The following PTGR2 variants were observed in gnomAD, a reference collection of about 807,000 sequenced individuals.
The protein encoded by PTGR2 is prostaglandin reductase 2, also known as 15-oxoprostaglandin 13-reductase.
A neutral mutation model predicts 43.4 loss-of-function variants in PTGR2; 32 were observed. That is an observed-to-expected ratio of 0.74 (90% confidence interval 0.56 to 0.99). PTGR2 has a LOEUF of 0.99. PTGR2 is among the 50% of genes least tolerant of loss of function. The pLI is 0.00. For synonymous variants in PTGR2, 106 were observed against 139.2 expected (o/e 0.76, Z 1.68); for missense variants, 373 against 420.0 (o/e 0.89, Z 0.98).
intron 3 of PTGR2, among the ~76,000 whole-genome samples, chr14:73,871,341 C>CTTTTTTTTTTTTTTTTTTTTTTTTTTTTT (rs869073652): frequency 1.7e-3 from 114 of 67,848 alleles, no homozygotes; most frequent in East Asian, 2.1e-3. Flanking sequence ...GGCTGTTCAT[C>CTTTTTTTTTTTTTTTTTTTTTTTTTTTTT]TTTTTTTTTT....
At chr14:73,852,584 C>T (rs1469791485) in intron 1 of PTGR2, among the ~76,000 whole-genome samples, 2 of 152,110 alleles carry the variant, frequency 1.3e-5, no homozygotes, top group African/African-American at 2.4e-5. Flanking sequence ...CAGACGAGTC[C>T]TTATCCTCTT....
At chr14:73,877,216 T>A in intron 5 of PTGR2, 48 bp downstream of exon 5, 1 of 1,490,494 alleles carries the variant, frequency 6.7e-7, no homozygotes, top group Non-Finnish European at 9.2e-7. Flanking sequence ...TGACGATTGT[T>A]ATAATTCTTA....
chr14:73,876,951 A>C (rs759552912), intron 4 of PTGR2, 47 bp from the exon 5 acceptor site: 37 of 1,470,268 alleles, frequency 2.5e-5, no homozygotes, highest in Non-Finnish European at 3.3e-5. Context: ...TTGTTGTCTC[A>C]AAACAGGAAT....
intron 3 of PTGR2, among the ~76,000 whole-genome samples, chr14:73,871,029 CT>C: frequency 6.6e-6 from 1 of 152,252 alleles, no homozygotes; most frequent in Admixed American, 6.5e-5. Flanking sequence ...CCTGGATAGC[CT>C]CAGGATGGGG....
chr14:73,866,836 C>A (rs1256213602), intron 3 of PTGR2, among the ~76,000 whole-genome samples: 1 of 151,958 alleles, frequency 6.6e-6, no homozygotes, highest in Non-Finnish European at 1.5e-5. Flanking sequence ...CACCTGTAAT[C>A]CCAGCACTTT....
At chr14:73,854,628 G>A (rs1408473454) in intron 1 of PTGR2, among the ~76,000 whole-genome samples, 1 of 152,090 alleles carries the variant, frequency 6.6e-6, no homozygotes, top group African/African-American at 2.4e-5. Flanking sequence ...AGTAATTAGA[G>A]GGCAAATATG....
At chr14:73,852,920 G>A (rs915973235) in intron 1 of PTGR2, among the ~76,000 whole-genome samples, 19 of 152,106 alleles carry the variant, frequency 1.2e-4, no homozygotes, top group Non-Finnish European at 2.2e-4. Context: ...CAGTCTCCTG[G>A]GTTCAGGCAG....
chr14:73,883,294 C>T (rs2055044985), intron 9 of PTGR2, among the ~76,000 whole-genome samples: 1 of 145,442 alleles, frequency 6.9e-6, no homozygotes. Context: ...ACTTATGAAC[C>T]CATGGGCTCA....
chr14:73,880,600 AC>A (rs2054962717), intron 7 of PTGR2, among the ~76,000 whole-genome samples: 1 of 88,580 alleles, frequency 1.1e-5, no homozygotes, highest in Non-Finnish European at 2.9e-5. Flanking sequence ...AAAAAAAAAA[AC>A]AAAAAAAAAC....
chr14:73,883,236 C>G (rs1233225781), intron 9 of PTGR2, among the ~76,000 whole-genome samples: 1 of 104,250 alleles, frequency 9.6e-6, no homozygotes, highest in African/African-American at 3.7e-5. Flanking sequence ...GATGATCTTG[C>G]TCTGTTGCCC....
intron 3 of PTGR2, among the ~76,000 whole-genome samples, chr14:73,872,071 C>A (rs1022681316): frequency 2.6e-5 from 4 of 152,118 alleles, no homozygotes; most frequent in Admixed American, 2.6e-4. Context: ...TTTCCTGGTC[C>A]GTGCTGTCGT....
chr14:73,856,667 G>A (rs920029063), intron 1 of PTGR2, among the ~76,000 whole-genome samples: 3 of 152,186 alleles, frequency 2.0e-5, no homozygotes, highest in Non-Finnish European at 4.4e-5. Flanking sequence ...ATGCCATATA[G>A]GTTTGTACCG....
chr14:73,865,445 T>A (rs1297250158), intron 3 of PTGR2, among the ~76,000 whole-genome samples: 2 of 152,196 alleles, frequency 1.3e-5, no homozygotes, highest in African/African-American at 4.8e-5. Context: ...TGAGGGCAGA[T>A]CTTCACCACA....
rs1449176003 is a variant in PTGR2 at position 73,885,489 on chromosome 14, A to G, written c.*1312A>G. 6.6e-6 allele frequency: 1 copy of G among 152,234 alleles called. No homozygotes were observed. The highest frequency in any genetic ancestry group is 2.4e-5 in the African/African-American group (1 of 41,466). The allele number at this position is 152,234 out of a possible 1,614,324, so 9.4% of individuals were successfully genotyped here. A position where few individuals can be genotyped will look rare whatever the true frequency, so the allele number is the denominator to read the frequency against. On this transcript the variant is annotated 3_prime_UTR_variant, in exon 10 of 10. Coordinates refer to ENST00000555661, the MANE Select transcript of PTGR2 (RefSeq NM_001146154.2). ...AATGTTTTGGCTTATGATTGTCTACACACTGCCAATATACTTTTGTATGCA... is the reference window on the plus strand; with the variant it reads ...AATGTTTTGGCTTATGATTGTCTACGCACTGCCAATATACTTTTGTATGCA...
Position 73,884,153 on chromosome 14 carries a change from C to G in PTGR2, c.1032C>G (p.Cys344Trp). ...GTAACATTGGAAAGCAGATAGTTTG[C>G]ATTTCAGAAGAAATCTCTTTGTAAT... ...TGGNIGKQIV[C>W]ISEEISL The change falls in exon 10 of 10, where the codon TGC (cysteine) becomes TGG (tryptophan). Residue 344 changes from cysteine (C) to tryptophan (W), a missense_variant. Coordinates refer to ENST00000555661, the MANE Select transcript of PTGR2 (RefSeq NM_001146154.2). 6.2e-7 allele frequency: 1 copy of G among 1,604,542 alleles called. No homozygotes were observed. Among genetic ancestry groups the G allele is most frequent in the Non-Finnish European group, 8.5e-7 (1 of 1,174,348 alleles).
intron 1 of PTGR2, among the ~76,000 whole-genome samples, chr14:73,857,237 C>CT (rs2054368036): frequency 2.7e-5 from 3 of 109,518 alleles, no homozygotes; most frequent in Admixed American, 1.8e-4. Context: ...AAGGAATTTC[C>CT]GTTTTTTTTT....
At chr14:73,875,305 T>C (rs906369401) in intron 4 of PTGR2, among the ~76,000 whole-genome samples, 1 of 151,440 alleles carries the variant, frequency 6.6e-6, no homozygotes, top group Non-Finnish European at 1.5e-5. Flanking sequence ...GCCTTAATGG[T>C]ACATTTTAAG....
intron 9 of PTGR2, among the ~76,000 whole-genome samples, chr14:73,882,828 TTTTTTTTTTTG>T (rs2055025284): frequency 1.5e-4 from 10 of 64,538 alleles, no homozygotes; most frequent in East Asian, 1.0e-3. Flanking sequence ...TTTTTTTTTT[TTTTTTTTTTTG>T]AGACGGAGTC....
At chr14:73,878,544 A>G (rs749291559) in intron 5 of PTGR2, 9 of 233,026 alleles carry the variant, frequency 3.9e-5, no homozygotes, top group Non-Finnish European at 7.0e-5. Flanking sequence ...GGCTAGCGAT[A>G]TCAGTATGAC....
Sources: gnomAD v4.1 joint callset for allele counts (sites outside exome capture counted in the v4.1 genomes callset) on GRCh38, gnomAD v4.1.1 for gene constraint, MANE v1.5 for transcripts, NCBI Gene and HGNC (gene_info 2026-07-23, HGNC 2026-07-21) for gene names.